SIK3: variants seen among roughly 807,000 people sequenced by gnomAD.
The protein encoded by SIK3 is SIK family kinase 3.
Under a neutral mutation model 144.2 loss-of-function variants are expected in SIK3, and 28 were observed. The observed-to-expected ratio is 0.19, with a 90% confidence interval of 0.14 to 0.27. The LOEUF is 0.27. Ranked by LOEUF, SIK3 falls within the 10% of genes least tolerant of loss-of-function variation. The pLI is 1.00. For missense variants in SIK3, 1,319 were observed against 1,776.0 expected, an observed-to-expected ratio of 0.74 and a Z score of 4.62; for synonymous variants, 686 against 676.3, an observed-to-expected ratio of 1.01 and a Z score of -0.22.
chr11:117,051,113 C>T (rs1340702671), intron 1 of SIK3, among the ~76,000 whole-genome samples: 1 of 152,134 alleles, frequency 6.6e-6, no homozygotes, highest in African/African-American at 2.4e-5. Context: ...CCTTTTCCAC[C>T]CAGAGAGAGC....
At chr11:116,864,066 C>T in intron 15 of SIK3, 1 of 365,124 alleles carries the variant, frequency 2.7e-6, no homozygotes. Context: ...CTGGTGAGGT[C>T]CCGAGATCAA....
At chr11:117,027,716 C>T (rs553689276) in intron 1 of SIK3, among the ~76,000 whole-genome samples, 6 of 152,162 alleles carry the variant, frequency 3.9e-5, no homozygotes, top group Middle Eastern at 6.8e-3. Context: ...ATCCACCTGC[C>T]TCAGCCTCCA....
At position 117,035,897 on chromosome 11, in the gene SIK3, G is replaced by A. The variant is rs549063554; in HGVS notation, c.273+62246C>T. On this transcript the variant is annotated intron_variant, in intron 1 of 24. Transcript: ENST00000445177. Reference sequence around the variant, plus strand: ...GGAGCAGCCAACACACAAAACTACCGTTTGTGCATGGCTAAAGACCGTGAT... The same window carrying A: ...GGAGCAGCCAACACACAAAACTACCATTTGTGCATGGCTAAAGACCGTGAT... 133 of 1,596,246 alleles carry A rather than the reference G, an allele frequency of 8.3e-5. 1 individual carries two copies. In the East Asian group the frequency reaches 2.5e-3, roughly 30 times the overall value.
chr11:116,895,925 T>TG, intron 6 of SIK3, among the ~76,000 whole-genome samples: 1 of 152,344 alleles, frequency 6.6e-6, no homozygotes, highest in Middle Eastern at 3.4e-3. Context: ...TGCTATGCCA[T>TG]GGGCCTACTG....
chr11:117,089,182 G>A (rs551636942), intron 1 of SIK3, among the ~76,000 whole-genome samples: 8 of 152,124 alleles, frequency 5.3e-5, no homozygotes, highest in Admixed American at 5.2e-4. Flanking sequence ...GAGGCGGGCA[G>A]ATCACGAGGT....
chr11:116,933,831 G>A (rs1275037516), intron 3 of SIK3, among the ~76,000 whole-genome samples: 2 of 152,138 alleles, frequency 1.3e-5, no homozygotes. Flanking sequence ...ACCTCCGGAT[G>A]GGTTCCCAGC....
At chr11:116,914,011 T>C (rs1044432639) in intron 4 of SIK3, among the ~76,000 whole-genome samples, 4 of 152,030 alleles carry the variant, frequency 2.6e-5, no homozygotes, top group Non-Finnish European at 4.4e-5. Context: ...GAAAAGAAGA[T>C]AGGATTGTCA....
intron 1 of SIK3, among the ~76,000 whole-genome samples, chr11:117,039,977 T>C (rs142054224): frequency 1.3e-5 from 2 of 152,318 alleles, no homozygotes; most frequent in East Asian, 3.9e-4. Flanking sequence ...ACTAAACACA[T>C]TTCCCCACAC....
chr11:117,068,443 T>C (rs1954114824), intron 1 of SIK3, among the ~76,000 whole-genome samples: 1 of 152,216 alleles, frequency 6.6e-6, no homozygotes, highest in Non-Finnish European at 1.5e-5. Context: ...GAACATCCAC[T>C]GGCCTAATAA....
chr11:117,003,049 T>C (rs187500816), intron 1 of SIK3, among the ~76,000 whole-genome samples: 27 of 152,290 alleles, frequency 1.8e-4, no homozygotes, highest in Admixed American at 1.0e-3. Context: ...GCCTTTGTAG[T>C]TGCCAGAGCA....
intron 3 of SIK3, among the ~76,000 whole-genome samples, chr11:116,945,479 C>T (rs1356141397): frequency 1.3e-5 from 2 of 149,928 alleles, no homozygotes; most frequent in Non-Finnish European, 3.0e-5. Context: ...CCTGCCTGGG[C>T]CTCCCAAAGT....
At chr11:116,853,857 T>G (rs1942658954) in intron 21 of SIK3, among the ~76,000 whole-genome samples, 1 of 152,290 alleles carries the variant, frequency 6.6e-6, no homozygotes, top group Admixed American at 6.5e-5. Context: ...ACAAACCTTG[T>G]TTTTCCTTCT....
chr11:116,855,110 CTT>C (rs1341470523), intron 21 of SIK3, among the ~76,000 whole-genome samples: 3 of 92,546 alleles, frequency 3.2e-5, no homozygotes, highest in East Asian at 6.3e-4. Flanking sequence ...AAAAAAAAAA[CTT>C]GAGTTTTTTT....
chr11:116,915,361 C>T (rs892715603), intron 4 of SIK3, among the ~76,000 whole-genome samples: 5 of 152,216 alleles, frequency 3.3e-5, no homozygotes, highest in African/African-American at 1.2e-4. Context: ...CAGATGAATA[C>T]TTTTCATGAC....
chr11:116,928,173 C>A (rs1947387366), intron 3 of SIK3, among the ~76,000 whole-genome samples: 1 of 152,156 alleles, frequency 6.6e-6, no homozygotes, highest in African/African-American at 2.4e-5. Flanking sequence ...CCTCAATATT[C>A]AAAAATGATT....
chr11:116,917,562 G>A (rs960677629), intron 4 of SIK3, among the ~76,000 whole-genome samples: 14 of 151,864 alleles, frequency 9.2e-5, no homozygotes, highest in African/African-American at 3.1e-4. Context: ...TTAAAAATTC[G>A]CCAGGCATGG....
chr11:117,074,493 A>G (rs1954417252), intron 1 of SIK3, among the ~76,000 whole-genome samples: 1 of 152,350 alleles, frequency 6.6e-6, no homozygotes, highest in South Asian at 2.1e-4. Flanking sequence ...TCAAATAGAC[A>G]TTTATGAACA....
chr11:117,064,721 A>T (rs1000577949), intron 1 of SIK3, among the ~76,000 whole-genome samples: 1 of 152,234 alleles, frequency 6.6e-6, no homozygotes, highest in African/African-American at 2.4e-5. Flanking sequence ...CAGGGTAATT[A>T]GTAGCTAAAT....
At chr11:116,954,918 T>C (rs187298212) in intron 2 of SIK3, among the ~76,000 whole-genome samples, 5 of 152,360 alleles carry the variant, frequency 3.3e-5, no homozygotes, top group African/African-American at 7.2e-5. Context: ...AAATATAATA[T>C]GAACTGCATA....
Sources: allele counts gnomAD v4.1 joint callset (sites outside exome capture counted in the v4.1 genomes callset), GRCh38; gene constraint gnomAD v4.1.1; transcripts MANE v1.5; gene names NCBI Gene and HGNC (gene_info 2026-07-23, HGNC 2026-07-21).